Variants in ZNF177 observed in about 807,000 individuals in gnomAD.
ZNF177 encodes zinc finger protein 177.
Under a neutral mutation model 19.4 loss-of-function variants are expected in ZNF177, and 17 were observed. That is an observed-to-expected ratio of 0.87 (90% CI 0.60 to 1.31). The LOEUF is 1.31. Ranked by LOEUF, ZNF177 falls within the 40% of genes most tolerant of loss-of-function variation. The pLI, the probability that ZNF177 is intolerant of heterozygous loss-of-function variation, is 0.00. For synonymous variants in ZNF177, 220 were observed against 188.7 expected (o/e 1.17, Z -1.36); for missense variants, 633 against 561.8 (o/e 1.13, Z -1.28).
rs751690169 is a variant in ZNF177 at position 9,379,528 on chromosome 19, G to T, written c.162G>T (p.Gly54=). ...CATCCTTGCTTTCTGCGTGAGCAGG[G>T]TATCAGCTCTGCAGACACAGTCTGA... The change falls in exon 4 of 6, where the codon GGG becomes GGT. Residue 54 remains glycine (G), a splice_region_variant and synonymous_variant. Coordinates refer to ENST00000589262, the Ensembl canonical transcript of ZNF177. 3 of 1,613,342 alleles carry T rather than the reference G, an allele frequency of 1.9e-6. No homozygotes were observed. The Admixed American group carries it at 5.0e-5, about 27-fold the overall frequency.
In ZNF177 at chr19:9,381,585, C is replaced by T. The variant is rs370667614; in HGVS notation, c.1254C>T (p.His418=). The change falls in exon 6 of 6, where the codon CAC becomes CAT. Residue 418 remains histidine (H), a synonymous_variant. Transcript: ENST00000589262. The stretch of plus-strand genomic sequence containing the variant: ...ACCTTATTGTGCACAAGAGAACTCA[C>T]ACTGGTGAGAAAACCTATGAGTGTA... The T allele has an allele frequency of 3.5e-5, 56 of 1,614,028 alleles. No homozygotes were observed. The African/African-American group carries it at 7.5e-4, about 22-fold the overall frequency.
chr19:9,380,023 C>T, intron 4 of ZNF177, 34 bp from the exon 7 acceptor site: 1 of 1,598,812 alleles, frequency 6.3e-7, no homozygotes, highest in South Asian at 1.1e-5. Flanking sequence ...AACCTTTTCT[C>T]CCAATAATTA....
At chr19:9,381,935 G>A in exon 6 of ZNF177, 1 of 1,130,402 alleles carries the variant, frequency 8.8e-7, no homozygotes, top group South Asian at 1.9e-5. Flanking sequence ...TTATAGCTAT[G>A]ATTGTTTTTA....
chr19:9,380,580 A>G (rs2068181055), intron 5 of ZNF177, 88 bp from the exon 8 acceptor site: 1 of 1,535,632 alleles, frequency 6.5e-7, no homozygotes, highest in African/African-American at 1.4e-5. Context: ...TGCTTCCTAT[A>G]TATGGCAGAA....
At chr19:9,371,994 T>C (rs1017654100), upstream of ZNF177, among the ~76,000 whole-genome samples, 13 of 152,364 alleles carry the variant, frequency 8.5e-5, no homozygotes, top group Admixed American at 2.6e-4. Flanking sequence ...CAAAGTGTTA[T>C]GCTTTTTACC....
upstream of ZNF177, among the ~76,000 whole-genome samples, chr19:9,372,671 G>T (rs959294487): frequency 2.1e-5 from 3 of 145,104 alleles, no homozygotes; most frequent in Non-Finnish European, 4.5e-5. Context: ...CTCCCCTCCC[G>T]AGTAGCTGGG....
At chr19:9,368,581 C>T (rs1182813421) in intron 2 of ZNF177, among the ~76,000 whole-genome samples, 1 of 152,082 alleles carries the variant, frequency 6.6e-6, no homozygotes, top group Non-Finnish European at 1.5e-5. Flanking sequence ...TCTTCCCGTT[C>T]CAGCTGCTTA....
upstream of ZNF177, among the ~76,000 whole-genome samples, chr19:9,373,623 GATA>G (rs1202838501): frequency 1.3e-5 from 2 of 152,052 alleles, no homozygotes; most frequent in East Asian, 3.9e-4. Context: ...TTGACTTTTT[GATA>G]ATATCTATTA....
At chr19:9,382,344 T>C (rs2068215106), downstream of ZNF177, 1 of 398,994 alleles carries the variant, frequency 2.5e-6, no homozygotes, top group Non-Finnish European at 4.4e-6. Flanking sequence ...TGGTGTTTTT[T>C]TCTTAACTAT....
At chr19:9,372,547 T>C (rs1418769433), upstream of ZNF177, among the ~76,000 whole-genome samples, 1 of 136,162 alleles carries the variant, frequency 7.3e-6, no homozygotes, top group East Asian at 2.1e-4. Flanking sequence ...TTCCTTTTTT[T>C]TTTTTTTTTT....
chr19:9,381,152 G>A (rs1435104441), exon 6 of ZNF177: 41 of 1,614,174 alleles, frequency 2.5e-5, no homozygotes, highest in Non-Finnish European at 3.4e-5. Flanking sequence ...CTTCAGAACT[G>A]TGTCAGAACT....
intron 5 of ZNF177, among the ~76,000 whole-genome samples, chr19:9,380,364 A>G (rs2068176461): frequency 6.6e-6 from 1 of 152,200 alleles, no homozygotes; most frequent in African/African-American, 2.4e-5. Context: ...GTAAACATCT[A>G]TGTAAATATG....
intron 2 of ZNF177, 104 bp from the exon 5 acceptor site, chr19:9,378,858 G>C: frequency 7.0e-7 from 1 of 1,434,384 alleles, no homozygotes. Flanking sequence ...AGCTTCCAGT[G>C]CCCTGAGTCT....
At chr19:9,379,970 G>T in intron 4 of ZNF177, 87 bp from the exon 7 acceptor site, 1 of 1,457,528 alleles carries the variant, frequency 6.9e-7, no homozygotes, top group South Asian at 1.4e-5. Flanking sequence ...GATATTATTT[G>T]AAAACAAATC....
Position 9,379,216 on chromosome 19 carries a change from G to C in ZNF177, c.160+128G>C, listed in dbSNP as rs1421600739. The C allele has an allele frequency of 1.8e-5, 25 of 1,399,624 alleles. No homozygotes were observed. In the Admixed American group the frequency reaches 6.0e-4, roughly 34 times the overall value. The allele number at this position is 1,399,624 out of a possible 1,614,324, so 86.7% of individuals were successfully genotyped here. On this transcript the variant is annotated intron_variant, in intron 3 of 5. Transcript: ENST00000589262. ...CCCAAAATGAATGGTCCCTGCCCTT[G>C]AGGGGGCAGTCCAGTGGCTTCCCAT...
intron 2 of ZNF177, among the ~76,000 whole-genome samples, chr19:9,366,013 T>C (rs1290340762): frequency 1.3e-5 from 2 of 152,150 alleles, no homozygotes; most frequent in East Asian, 3.9e-4. Flanking sequence ...GCACCAAATC[T>C]ACCTCTGTCG....
intron 3 of ZNF177, 81 bp downstream of exon 5, chr19:9,379,169 G>T (rs1715811003): frequency 6.7e-7 from 1 of 1,490,448 alleles, no homozygotes. Context: ...TCTGTGGAAA[G>T]AATAGCAATA....
chr19:9,373,663 A>G (rs2068075148), upstream of ZNF177, among the ~76,000 whole-genome samples: 1 of 152,098 alleles, frequency 6.6e-6, no homozygotes, highest in South Asian at 2.1e-4. Context: ...GCAGCCAACT[A>G]TGGTTTTGAT....
exon 6 of ZNF177, chr19:9,380,781 T>C (rs1172748588): frequency 1.3e-5 from 20 of 1,535,972 alleles, no homozygotes; most frequent in Non-Finnish European, 1.7e-5. Context: ...GCTATAAATA[T>C]ATAAAGTATA....
Sources: gnomAD v4.1 joint callset for allele counts (sites outside exome capture counted in the v4.1 genomes callset) on GRCh38, gnomAD v4.1.1 for gene constraint, MANE v1.5 for transcripts, NCBI Gene and HGNC (gene_info 2026-07-23, HGNC 2026-07-21) for gene names.